The following PTPRD variants were observed in gnomAD, a reference collection of about 807,000 sequenced individuals.
PTPRD encodes receptor-type tyrosine-protein phosphatase delta.
Under a neutral mutation model 214.5 loss-of-function variants are expected in PTPRD, and 34 were observed. The observed-to-expected ratio is 0.16, with a 90% CI of 0.12 to 0.21. The LOEUF is 0.21. Ranked by LOEUF, PTPRD falls within the 10% of genes least tolerant of loss-of-function variation. PTPRD has a pLI of 1.00. For missense variants in PTPRD, 2,545 were observed against 2,398.7 expected, an observed-to-expected ratio of 1.06 and a Z score of -1.27; for synonymous variants, 1,128 against 845.7, an observed-to-expected ratio of 1.33 and a Z score of -5.79.
At chr9:10,264,034 G>A (rs113287713) in intron 3 of PTPRD, among the ~76,000 whole-genome samples, 5 of 152,276 alleles carry the variant, frequency 3.3e-5, no homozygotes, top group East Asian at 1.9e-4. Context: ...CTGAGCCTGC[G>A]AGTGCACAGA....
intron 9 of PTPRD, among the ~76,000 whole-genome samples, chr9:9,285,721 C>T (rs541668027): frequency 6.6e-6 from 1 of 151,870 alleles, no homozygotes; most frequent in South Asian, 2.1e-4. Flanking sequence ...TCCCCTCTTA[C>T]GGAGTACTAC....
chr9:9,623,195 T>A (rs143708722), intron 7 of PTPRD, among the ~76,000 whole-genome samples: 55 of 152,338 alleles, frequency 3.6e-4, no homozygotes, highest in African/African-American at 1.3e-3. Flanking sequence ...AAGATATTGT[T>A]TTTGTATTTT....
At chr9:9,367,265 T>C (rs1221044268) in intron 9 of PTPRD, among the ~76,000 whole-genome samples, 1 of 151,496 alleles carries the variant, frequency 6.6e-6, no homozygotes, top group Non-Finnish European at 1.5e-5. Flanking sequence ...CACTAGAAGT[T>C]AACTGGAAGG....
chr9:10,254,909 GATGAC>G (rs1554963306), intron 3 of PTPRD, among the ~76,000 whole-genome samples: 1 of 152,132 alleles, frequency 6.6e-6, no homozygotes, highest in Non-Finnish European at 1.5e-5. Flanking sequence ...TCTGTTCTCT[GATGAC>G]TTTTAAGAAA....
chr9:9,794,721 C>G (rs1202081847), intron 5 of PTPRD, among the ~76,000 whole-genome samples: 1 of 152,128 alleles, frequency 6.6e-6, no homozygotes, highest in Admixed American at 6.6e-5. Context: ...AAAACCATGG[C>G]TTAGAGAAGA....
chr9:10,155,216 T>A (rs1047460574), intron 3 of PTPRD, among the ~76,000 whole-genome samples: 3 of 152,144 alleles, frequency 2.0e-5, no homozygotes, highest in African/African-American at 7.2e-5. Flanking sequence ...CAATTTTGAA[T>A]GAGATAGCAT....
intron 4 of PTPRD, among the ~76,000 whole-genome samples, chr9:10,010,657 A>T (rs1037188992): frequency 6.6e-6 from 1 of 151,906 alleles, no homozygotes; most frequent in African/African-American, 2.4e-5. Flanking sequence ...TTAGGTCCCA[A>T]CTTCTACTCT....
At chr9:10,165,598 T>C (rs977120747) in intron 3 of PTPRD, among the ~76,000 whole-genome samples, 3 of 151,760 alleles carry the variant, frequency 2.0e-5, no homozygotes, top group Admixed American at 1.3e-4. Context: ...ATATTAATGT[T>C]TTAAAAGACT....
intron 11 of PTPRD, among the ~76,000 whole-genome samples, chr9:8,967,157 G>A (rs2099201753): frequency 6.6e-6 from 1 of 151,926 alleles, no homozygotes; most frequent in Admixed American, 6.6e-5. Context: ...ATAGATGTTG[G>A]TGAGGTTGTG....
At chr9:9,808,182 G>A (rs1025570905) in intron 5 of PTPRD, among the ~76,000 whole-genome samples, 5 of 152,126 alleles carry the variant, frequency 3.3e-5, no homozygotes, top group African/African-American at 1.2e-4. Context: ...TAACTATTAT[G>A]TTTTATAGGT....
At chr9:9,692,579 C>A (rs995905774) in intron 7 of PTPRD, among the ~76,000 whole-genome samples, 3 of 150,756 alleles carry the variant, frequency 2.0e-5, no homozygotes, top group African/African-American at 7.3e-5. Flanking sequence ...CAGTTTTGTT[C>A]TTTTTGCTCA....
At chr9:8,876,207 T>A (rs1388998724) in intron 11 of PTPRD, among the ~76,000 whole-genome samples, 1 of 142,068 alleles carries the variant, frequency 7.0e-6, no homozygotes, top group Non-Finnish European at 1.5e-5. Flanking sequence ...AGAGAGCCTA[T>A]CTGAGTATGT....
At chr9:9,903,552 G>C (rs1474299995) in intron 5 of PTPRD, among the ~76,000 whole-genome samples, 1 of 152,006 alleles carries the variant, frequency 6.6e-6, no homozygotes, top group Non-Finnish European at 1.5e-5. Context: ...TACATTTCCA[G>C]CATAGTACAC....
intron 11 of PTPRD, among the ~76,000 whole-genome samples, chr9:8,992,062 A>T (rs975126291): frequency 6.6e-6 from 1 of 152,122 alleles, no homozygotes; most frequent in African/African-American, 2.4e-5. Flanking sequence ...CCTATATTCC[A>T]CATTTACCTT....
chr9:8,717,519 T>A (rs991334286), intron 12 of PTPRD, among the ~76,000 whole-genome samples: 2 of 152,112 alleles, frequency 1.3e-5, no homozygotes, highest in Non-Finnish European at 2.9e-5. Context: ...CTCCAACGCA[T>A]CCTCCACATA....
chr9:9,636,216 C>A (rs1381162236), intron 7 of PTPRD, among the ~76,000 whole-genome samples: 2 of 152,158 alleles, frequency 1.3e-5, no homozygotes, highest in Non-Finnish European at 1.5e-5. Context: ...TCTCCTTAAG[C>A]CTCCTCAGGA....
At chr9:10,344,007 T>TTTTTTG (rs1253555165) in intron 2 of PTPRD, among the ~76,000 whole-genome samples, 11 of 139,484 alleles carry the variant, frequency 7.9e-5, no homozygotes, top group East Asian at 2.0e-4. Context: ...TTTTTTTTTT[T>TTTTTTG]GCTGTGCAGA....
intron 5 of PTPRD, among the ~76,000 whole-genome samples, chr9:9,857,207 G>A (rs765237426): frequency 5.9e-5 from 9 of 152,126 alleles, no homozygotes; most frequent in Non-Finnish European, 1.2e-4. Context: ...TCTGGCATTC[G>A]AAATGGAATG....
chr9:9,517,785 CAT>C (rs2096872923), intron 8 of PTPRD, among the ~76,000 whole-genome samples: 1 of 151,924 alleles, frequency 6.6e-6, no homozygotes, highest in African/African-American at 2.4e-5. Flanking sequence ...AATTTTAACA[CAT>C]ATGACCCTAA....
Sources: gnomAD v4.1 joint callset for allele counts (sites outside exome capture counted in the v4.1 genomes callset) on GRCh38, gnomAD v4.1.1 for gene constraint, MANE v1.5 for transcripts, NCBI Gene and HGNC (gene_info 2026-07-23, HGNC 2026-07-21) for gene names.